Variants in FKBP5 observed in about 807,000 individuals in gnomAD.
FKBP5 encodes the protein peptidyl-prolyl cis-trans isomerase FKBP5.
FKBP5 carries 23 observed loss-of-function variants against 50.5 expected under a neutral mutation model. That is an observed-to-expected ratio of 0.46 (90% CI 0.33 to 0.65). The LOEUF is 0.65. Ranked by LOEUF, FKBP5 falls within the 30% of genes least tolerant of loss-of-function variation. FKBP5 has a pLI of 0.02. For missense variants in FKBP5, 411 were observed against 553.1 expected, an observed-to-expected ratio of 0.74 and a Z score of 2.58; for synonymous variants, 176 against 190.6, an observed-to-expected ratio of 0.92 and a Z score of 0.63.
chr6:35,648,658 G>T (rs943096705), intron 1 of FKBP5, among the ~76,000 whole-genome samples: 8 of 152,078 alleles, frequency 5.3e-5, no homozygotes, highest in African/African-American at 1.7e-4. Flanking sequence ...ATTTTTAAAA[G>T]AATTTAGTGG....
chr6:35,690,050 C>G, upstream of FKBP5, among the ~76,000 whole-genome samples: 1 of 152,204 alleles, frequency 6.6e-6, no homozygotes, highest in East Asian at 1.9e-4. Context: ...CCTATGGAAA[C>G]CTAATATCCC....
At chr6:35,708,195 A>G (rs1766356163) in intron 2 of FKBP5, among the ~76,000 whole-genome samples, 1 of 152,218 alleles carries the variant, frequency 6.6e-6, no homozygotes, top group African/African-American at 2.4e-5. Context: ...CATCATTTGT[A>G]CTGAGTATAA....
intron 6 of FKBP5, among the ~76,000 whole-genome samples, chr6:35,595,323 C>A (rs1029044675): frequency 1.3e-5 from 2 of 152,186 alleles, no homozygotes; most frequent in Admixed American, 1.3e-4. Context: ...AAACTGGTTC[C>A]TATAACATTA....
At chr6:35,666,379 CACT>C (rs1765216713) in intron 1 of FKBP5, among the ~76,000 whole-genome samples, 1 of 31,880 alleles carries the variant, frequency 3.1e-5, no homozygotes, top group Non-Finnish European at 5.9e-5. Context: ...CATGCAGAAA[CACT>C]ACTATTATAG....
chr6:35,697,867 G>A (rs897752556), intron 2 of FKBP5, among the ~76,000 whole-genome samples: 71 of 152,166 alleles, frequency 4.7e-4, no homozygotes, highest in African/African-American at 1.7e-3. Flanking sequence ...CTTTAAGTGG[G>A]TGAACTGTAT....
At chr6:35,681,007 T>C (rs146119681) in intron 1 of FKBP5, among the ~76,000 whole-genome samples, 211 of 152,310 alleles carry the variant, frequency 1.4e-3, no homozygotes, top group African/African-American at 4.9e-3. Context: ...TCATGAGTCT[T>C]TAGTGAAAAG....
At chr6:35,608,157 G>A (rs1289252346) in intron 5 of FKBP5, among the ~76,000 whole-genome samples, 3 of 152,080 alleles carry the variant, frequency 2.0e-5, no homozygotes, top group African/African-American at 7.2e-5. Context: ...TCACTTATAA[G>A]TAGGAGCTAA....
At chr6:35,598,190 A>G (rs1763038367) in intron 5 of FKBP5, among the ~76,000 whole-genome samples, 1 of 152,130 alleles carries the variant, frequency 6.6e-6, no homozygotes, top group South Asian at 2.1e-4. Flanking sequence ...GACAAAATAG[A>G]AAAAATGCAT....
intron 1 of FKBP5, among the ~76,000 whole-genome samples, chr6:35,643,177 A>G (rs1764542741): frequency 6.6e-6 from 1 of 152,202 alleles, no homozygotes; most frequent in South Asian, 2.1e-4. Flanking sequence ...CTACAGCCAT[A>G]TTCTTGACAG....
chr6:35,714,725 G>A (rs1315550602), intron 2 of FKBP5, among the ~76,000 whole-genome samples: 1 of 150,332 alleles, frequency 6.7e-6, no homozygotes, highest in African/African-American at 2.4e-5. Flanking sequence ...GCTGAGGCAT[G>A]AGAATCGCTT....
At chr6:35,645,914 G>T (rs1581847805) in intron 1 of FKBP5, among the ~76,000 whole-genome samples, 1 of 152,140 alleles carries the variant, frequency 6.6e-6, no homozygotes, top group East Asian at 1.9e-4. Context: ...CCAGGAGTTT[G>T]AGACCAGCCT....
chr6:35,699,143 G>T (rs1397689430), intron 2 of FKBP5, among the ~76,000 whole-genome samples: 1 of 152,166 alleles, frequency 6.6e-6, no homozygotes, highest in African/African-American at 2.4e-5. Context: ...TCACACGGAA[G>T]GCAAGTAAGA....
chr6:35,703,951 T>C (rs928994599), intron 2 of FKBP5, among the ~76,000 whole-genome samples: 1 of 152,168 alleles, frequency 6.6e-6, no homozygotes, highest in African/African-American at 2.4e-5. Flanking sequence ...TAGCAGCCAT[T>C]TTCTCTGCAA....
chr6:35,605,419 A>G (rs1763281714), intron 5 of FKBP5, among the ~76,000 whole-genome samples: 1 of 95,730 alleles, frequency 1.0e-5, no homozygotes, highest in African/African-American at 4.0e-5. Context: ...TTTTTGAGAC[A>G]AGGTCTTATT....
At chr6:35,693,156 TC>T (rs1766022934), upstream of FKBP5, among the ~76,000 whole-genome samples, 1 of 106,662 alleles carries the variant, frequency 9.4e-6, no homozygotes, top group Non-Finnish European at 2.0e-5. Flanking sequence ...TTTTCTTTTC[TC>T]TCTCTCTTTT....
chr6:35,685,636 G>T (rs1765800076), intron 1 of FKBP5, among the ~76,000 whole-genome samples: 1 of 152,032 alleles, frequency 6.6e-6, no homozygotes, highest in East Asian at 1.9e-4. Flanking sequence ...TTAATTAATG[G>T]TCTTTAGAGG....
intron 3 of FKBP5, among the ~76,000 whole-genome samples, chr6:35,624,233 T>C (rs189731706): frequency 5.9e-5 from 9 of 152,214 alleles, no homozygotes; most frequent in East Asian, 1.9e-4. Context: ...CTAGGGATCA[T>C]AGGGAGGCCA....
chr6:35,575,986 G>T, intron 10 of FKBP5, 44 bp from the exon 11 acceptor site: 2 of 1,359,938 alleles, frequency 1.5e-6, no homozygotes, highest in Non-Finnish European at 2.1e-6. Flanking sequence ...GAATAAAGAA[G>T]TGAAATAATT....
rs1283390138 is a variant in FKBP5 at position 35,615,148 on chromosome 6, CAACAACT to C, written c.508+3941_508+3947del. 9.5e-4 allele frequency among the ~76,000 whole-genome samples: 92 copies of C among 96,922 alleles called. No homozygotes were observed. In the East Asian group the frequency reaches 0.023, roughly 24 times the overall value. The allele number at this position is 96,922 out of a possible 152,430, so 63.6% of individuals were successfully genotyped here. A position where few individuals can be genotyped will look rare whatever the true frequency, so the allele number is the denominator to read the frequency against. Reference sequence around the variant, plus strand: ...CAAACAACAACAACAACAACAACAACAACAACTACACACACACACACACACACACACA... The same window carrying C: ...CAAACAACAACAACAACAACAACAACACACACACACACACACACACACACA... On this transcript the variant is annotated intron_variant, in intron 5 of 10. Transcript: ENST00000357266.
Sources: allele counts gnomAD v4.1 joint callset (sites outside exome capture counted in the v4.1 genomes callset), GRCh38; gene constraint gnomAD v4.1.1; transcripts MANE v1.5; gene names NCBI Gene and HGNC (gene_info 2026-07-23, HGNC 2026-07-21).